Variants in SORBS2 observed in about 807,000 individuals in gnomAD.
SORBS2 encodes the protein sorbin and SH3 domain containing 2, also known as sorbin and SH3 domain-containing protein 2.
A neutral mutation model predicts 97.7 loss-of-function variants in SORBS2; 46 were observed. The ratio of observed to expected loss-of-function variants is 0.47; its 90% CI spans 0.37 to 0.60. The LOEUF (loss-of-function observed/expected upper bound fraction) is 0.60. Among genes scored for constraint, SORBS2 ranks in the 20% least tolerant of loss-of-function variants. The probability of loss-of-function intolerance (pLI) is 0.00; values close to 1 mark genes in which losing one functional copy is unlikely to be tolerated. For missense variants in SORBS2, 1,316 were observed against 1,282.3 expected (o/e 1.03, Z -0.40); for synonymous variants, 476 against 473.4 (o/e 1.01, Z -0.07).
At chr4:185,769,471 G>A (rs1235310458) in intron 2 of SORBS2, among the ~76,000 whole-genome samples, 1 of 152,122 alleles carries the variant, frequency 6.6e-6, no homozygotes, top group Non-Finnish European at 1.5e-5. Context: ...ACTCAGACGT[G>A]AGTACTTAAC....
chr4:185,649,594 G>A (rs1245720364), exon 3 of SORBS2: 1 of 1,602,202 alleles, frequency 6.2e-7, no homozygotes, highest in Admixed American at 1.7e-5. Flanking sequence ...TTGGAAAGAG[G>A]TCTGTAGGTT....
rs1340781729 is a variant in SORBS2, at chr4:185,623,880, A to G, written c.1249T>C (p.Phe417Leu). ...TTGGACTTCTGGATCAGCTTTTCGA[A>G]TTCGGAGATGCGTGTGGGCACCATG... The change falls in exon 7 of 15, where the codon TTC becomes CTC. Residue 417 changes from phenylalanine to leucine, a missense_variant. By Grantham distance (22) the Phe-to-Leu change is conservative. Coordinates refer to ENST00000418609, the Ensembl canonical transcript of SORBS2. This position sits in a 1 kb window ranked among gnomAD's most constrained non-coding sequence, Gnocchi z 6.4. The G allele has an allele frequency of 6.2e-7, 1 of 1,614,000 alleles. No homozygotes were observed. Among genetic ancestry groups the G allele is most frequent in the Admixed American group, 1.7e-5 (1 of 60,000 alleles).
rs2098994274 is a variant in SORBS2, at chr4:185,775,214, T to TA, written c.-198+12dup. The TA allele has an allele frequency of 3.9e-5, 6 of 152,752 alleles. No individual in the cohort carries two copies. The highest frequency in any genetic ancestry group is 2.1e-4 in the South Asian group (1 of 4,822). 9.5% of individuals were successfully genotyped at this position (152,752 alleles called of 1,614,324 possible). A position where few individuals can be genotyped will look rare whatever the true frequency, so the allele number is the denominator to read the frequency against. ...AGAAAACAATTAAATAATTCCAGAA[T>TA]AAAAAATCTTACCTACAGGCAGCTG... On this transcript the variant is annotated intron_variant, in intron 2 of 20. Transcript: ENST00000284776.
chr4:185,953,273 C>A (rs1200175531), intron 1 of SORBS2, among the ~76,000 whole-genome samples: 1 of 152,222 alleles, frequency 6.6e-6, no homozygotes, highest in Non-Finnish European at 1.5e-5. Context: ...GAGATTGCGC[C>A]ACCGCACTCC....
At chr4:185,678,610 A>C in intron 3 of SORBS2, 63 bp from the exon 7 acceptor site, 2 of 1,443,948 alleles carry the variant, frequency 1.4e-6, no homozygotes, top group Non-Finnish European at 1.8e-6. Flanking sequence ...ATTTTTTATA[A>C]AATTTATTTT....
intron 1 of SORBS2, among the ~76,000 whole-genome samples, chr4:185,938,008 CTT>C (rs529655739): frequency 0.37 from 44,616 of 120,778 alleles, 7,688 homozygotes; most frequent in African/African-American, 0.46. Flanking sequence ...AGAAATCATT[CTT>C]TTTTTTTTTT....
intron 4 of SORBS2, among the ~76,000 whole-genome samples, chr4:185,643,967 C>A (rs955017507): frequency 1.3e-5 from 2 of 152,142 alleles, no homozygotes; most frequent in African/African-American, 4.8e-5. Context: ...TATATCAGTA[C>A]GCGGCCAGTC....
chr4:185,694,805 C>CA (rs2098152202), intron 2 of SORBS2, among the ~76,000 whole-genome samples: 1 of 151,024 alleles, frequency 6.6e-6, no homozygotes, highest in South Asian at 2.1e-4. Context: ...CTCCTGGGTT[C>CA]AAAGGATTCT....
chr4:185,832,537 A>G (rs996280417), intron 1 of SORBS2, among the ~76,000 whole-genome samples: 2 of 152,212 alleles, frequency 1.3e-5, no homozygotes, highest in African/African-American at 4.8e-5. Context: ...TGGTTTGGTC[A>G]CAATTTGTTT....
At chr4:185,850,092 T>A (rs1009807191) in intron 1 of SORBS2, among the ~76,000 whole-genome samples, 7 of 152,196 alleles carry the variant, frequency 4.6e-5, no homozygotes, top group Middle Eastern at 3.2e-3. Flanking sequence ...GAAACGAAGC[T>A]CTTTCATGGC....
chr4:185,852,435 C>T (rs1413958315), intron 1 of SORBS2, among the ~76,000 whole-genome samples: 2 of 151,886 alleles, frequency 1.3e-5, no homozygotes, highest in African/African-American at 4.8e-5. Flanking sequence ...GGTCACCAAC[C>T]AAAAAATGGA....
At chr4:185,628,620 G>C (rs1264670807) in intron 5 of SORBS2, among the ~76,000 whole-genome samples, 1 of 152,162 alleles carries the variant, frequency 6.6e-6, no homozygotes, top group Admixed American at 6.5e-5. Flanking sequence ...GTTGTGTCAT[G>C]TGCCTGTAGT....
In SORBS2 at chr4:185,606,752, C is replaced by T; in HGVS notation, c.2796+5028G>A. 1.0e-6 allele frequency: 1 copy of T among 985,348 alleles called. No individual in the cohort carries two copies. The highest frequency in any genetic ancestry group is 1.2e-6 in the Non-Finnish European group (1 of 829,914). 61.0% of individuals were successfully genotyped at this position (985,348 alleles called of 1,614,324 possible). A position where few individuals can be genotyped will look rare whatever the true frequency, so the allele number is the denominator to read the frequency against. ...TCGTGGCCACACCACCAGGCGTCTC[C>T]TTCCTGAGGTTCTGGCGGCCCTCTC... On this transcript the variant is annotated intron_variant, in intron 12 of 14. Coordinates refer to ENST00000418609, the Ensembl canonical transcript of SORBS2. This position sits in a 1 kb window ranked among gnomAD's most constrained non-coding sequence, Gnocchi z 4.3.
intron 1 of SORBS2, among the ~76,000 whole-genome samples, chr4:185,952,064 C>T (rs530112430): frequency 8.8e-5 from 13 of 147,254 alleles, no homozygotes; most frequent in South Asian, 2.1e-4. Flanking sequence ...CTCACTCTGT[C>T]GCCAGGCTGG....
In SORBS2 at chr4:185,736,675, G is replaced by T. The variant is rs191198164; in HGVS notation, c.-198+38552C>A. 1.5e-3 allele frequency among the ~76,000 whole-genome samples: 229 copies of T among 152,276 alleles called. 1 individual carries two copies. Among genetic ancestry groups the T allele is most frequent in the African/African-American group, 5.1e-3 (214 of 41,568 alleles). On this transcript the variant is annotated intron_variant, in intron 2 of 20. Transcript: ENST00000284776. ...TTTCCAGAGTCTTTCCTGGGGTCTT[G>T]CTTGGCTCAGGGCCACTGGAACACA...
intron 2 of SORBS2, among the ~76,000 whole-genome samples, chr4:185,757,740 A>G (rs2098839650): frequency 6.6e-6 from 1 of 152,220 alleles, no homozygotes; most frequent in Non-Finnish European, 1.5e-5. Context: ...AACATATTAC[A>G]GAGACAAGGG....
intron 1 of SORBS2, among the ~76,000 whole-genome samples, chr4:185,949,066 GA>G (rs1398419441): frequency 5.9e-5 from 9 of 151,802 alleles, no homozygotes; most frequent in African/African-American, 2.2e-4. Flanking sequence ...TGATGCACAA[GA>G]AATTTCCAGG....
At chr4:185,952,796 A>AT (rs1192331003) in intron 1 of SORBS2, among the ~76,000 whole-genome samples, 2 of 152,102 alleles carry the variant, frequency 1.3e-5, no homozygotes, top group South Asian at 2.1e-4. Flanking sequence ...GATTTGATTT[A>AT]TTTTTCCTCT....
chr4:185,946,292 G>A (rs2099274523), intron 1 of SORBS2, among the ~76,000 whole-genome samples: 1 of 152,176 alleles, frequency 6.6e-6, no homozygotes, highest in African/African-American at 2.4e-5. Flanking sequence ...AGAAGTTGGA[G>A]GAGGCAGGCC....
Sources: gnomAD v4.1 joint callset for allele counts (sites outside exome capture counted in the v4.1 genomes callset) on GRCh38, gnomAD v4.1.1 for gene constraint, Gnocchi (gnomAD v3.1) non-coding constraint, MANE v1.5 for transcripts, NCBI Gene and HGNC (gene_info 2026-07-23, HGNC 2026-07-21) for gene names.